Variants in RRBP1 observed in about 807,000 individuals in gnomAD.
The protein encoded by RRBP1 is ribosome binding protein 1.
In RRBP1, 94 loss-of-function variants were observed where a neutral mutation model predicts 165.2. The observed-to-expected ratio is 0.57, with a 90% CI of 0.48 to 0.68. RRBP1 has a LOEUF of 0.68. Ranked by LOEUF, RRBP1 falls within the 30% of genes least tolerant of loss-of-function variation. The probability of loss-of-function intolerance (pLI) is 0.00; values close to 1 mark genes in which losing one functional copy is unlikely to be tolerated. For synonymous variants in RRBP1, 680 were observed against 714.5 expected (o/e 0.95, Z 0.77); for missense variants, 1,676 against 1,763.0 (o/e 0.95, Z 0.88).
intron 3 of RRBP1, among the ~76,000 whole-genome samples, chr20:17,646,073 C>A (rs901035886): frequency 3.3e-5 from 5 of 152,088 alleles, no homozygotes; most frequent in Non-Finnish European, 7.4e-5. Flanking sequence ...GGGGCCAGGC[C>A]CTGCAGGAAT....
At position 17,635,602 on chromosome 20, in the gene RRBP1, C is replaced by T; in HGVS notation, c.2400G>A (p.Gln800=). 6.2e-7 allele frequency: 1 copy of T among 1,613,534 alleles called. No individual in the cohort carries two copies. The highest frequency in any genetic ancestry group is 8.5e-7 in the Non-Finnish European group (1 of 1,179,886). ...GPNTQLARLQ[Q]ENSILRDALN... ...AGGCATCCCGCAGGATGGAGTTCTC[C>T]TGCTGCAGGCGGGCCAGCTGCGTGT... The change falls in exon 7 of 25, where the codon CAG becomes CAA. Residue 800 remains glutamine (Q), a synonymous_variant. Transcript: ENST00000377813.
intron 1 of RRBP1, 97 bp downstream of exon 1, chr20:17,681,931 G>A (rs1053749323): frequency 1.4e-5 from 2 of 147,234 alleles, no homozygotes; most frequent in Non-Finnish European, 3.0e-5. Context: ...AGGGGCCGCC[G>A]AGGAGACGTG....
chr20:17,654,997 ATCTC>A (rs1568778643), intron 3 of RRBP1, among the ~76,000 whole-genome samples: 2 of 152,208 alleles, frequency 1.3e-5, no homozygotes, highest in Admixed American at 1.3e-4. Flanking sequence ...ACCCAATTTT[ATCTC>A]TCTAAAATAA....
chr20:17,676,592 C>T (rs2037087010), intron 2 of RRBP1, among the ~76,000 whole-genome samples: 1 of 152,120 alleles, frequency 6.6e-6, no homozygotes, highest in Non-Finnish European at 1.5e-5. Flanking sequence ...CTGCCAATAC[C>T]CAAGCACATA....
intron 18 of RRBP1, 34 bp downstream of exon 18, chr20:17,620,265 A>G: frequency 3.9e-6 from 6 of 1,532,552 alleles, no homozygotes; most frequent in Non-Finnish European, 5.4e-6. Context: ...GGCTCCCGGG[A>G]CAAGAGAAAG....
chr20:17,622,341 A>G (rs1384694525), intron 13 of RRBP1, among the ~76,000 whole-genome samples: 10 of 152,126 alleles, frequency 6.6e-5, no homozygotes, highest in Admixed American at 6.5e-4. Flanking sequence ...CCAGGGCAGG[A>G]AGAAGGGATG....
At position 17,659,874 on chromosome 20, in the gene RRBP1, C is replaced by G; in HGVS notation, c.634G>C (p.Ala212Pro). The G allele has an allele frequency of 6.4e-7, 1 of 1,552,408 alleles. No homozygotes were observed. Among genetic ancestry groups the G allele is most frequent in the Non-Finnish European group, 8.7e-7 (1 of 1,147,274 alleles). ...AEGTQNQSKK[A>P]EGAPNQGRKA... ...CTGCCCTGGTTTGGGGCTCCTTCAG[C>G]CTTTTTGCTTTGATTCTGAGTCCCC... The change falls in exon 3 of 25, where the codon GCT (alanine) becomes CCT (proline). Residue 212 changes from alanine to proline, a missense_variant. Ala to Pro is a conservative substitution (Grantham distance 27). Transcript: ENST00000377813.
In RRBP1 at chr20:17,621,720, C is replaced by G; in HGVS notation, c.3294G>C (p.Lys1098Asn). 2 of 1,613,654 alleles carry G rather than the reference C, an allele frequency of 1.2e-6. No individual in the cohort carries two copies. The highest frequency in any genetic ancestry group is 8.5e-7 in the Non-Finnish European group (1 of 1,179,980). ...AGGGCTCCGCGGGAGCTGGCGGGTG[C>G]TTCAGCAGCGTGGGGCCTTTCTCTT... is the stretch of plus-strand genomic sequence containing the variant. Reference protein sequence around the residue: ...DLKEKGPTLLKHPPAPAEPSS... With the variant: ...DLKEKGPTLLNHPPAPAEPSS... The change falls in exon 15 of 25, where the codon AAG (lysine) becomes AAC (asparagine). Residue 1098 changes from lysine (K) to asparagine (N), a missense_variant. Physicochemically the swap from Lys to Asn is moderately conservative, Grantham distance 94. Around this residue, in one of 5 missense-constraint regions of RRBP1, gnomAD observed 1,184 missense variants for 1,167.1 expected, o/e 1.01. Coordinates refer to ENST00000377813, the MANE Select transcript of RRBP1 (RefSeq NM_001365613.2).
At chr20:17,667,679 G>T (rs1293648535) in intron 2 of RRBP1, among the ~76,000 whole-genome samples, 1 of 152,156 alleles carries the variant, frequency 6.6e-6, no homozygotes, top group African/African-American at 2.4e-5. Flanking sequence ...ACACACATCT[G>T]GACTAGTCAG....
At chr20:17,619,831 G>T in intron 18 of RRBP1, 103 bp from the exon 19 acceptor site, 1 of 748,074 alleles carries the variant, frequency 1.3e-6, no homozygotes, top group South Asian at 2.0e-5. Context: ...GAGGCCTCTC[G>T]GGAGATCCCT....
intron 11 of RRBP1, among the ~76,000 whole-genome samples, chr20:17,626,079 T>C (rs2036013300): frequency 6.6e-6 from 1 of 152,160 alleles, no homozygotes. Flanking sequence ...TTCTAGAATA[T>C]CTGGGGCTGA....
At chr20:17,647,737 A>T (rs923225491) in intron 3 of RRBP1, among the ~76,000 whole-genome samples, 2 of 152,172 alleles carry the variant, frequency 1.3e-5, no homozygotes, top group Non-Finnish European at 2.9e-5. Flanking sequence ...CTCCAGTGGC[A>T]AAAACTCTCA....
At chr20:17,658,112 T>C (rs1027020022) in intron 3 of RRBP1, among the ~76,000 whole-genome samples, 1 of 152,250 alleles carries the variant, frequency 6.6e-6, no homozygotes, top group African/African-American at 2.4e-5. Flanking sequence ...GACACGGACC[T>C]GTTGCTCACT....
intron 19 of RRBP1, chr20:17,619,086 CTTTT>C (rs11300437): frequency 1.6e-3 from 250 of 159,966 alleles, no homozygotes; most frequent in East Asian, 4.5e-3. Flanking sequence ...GTGTGCCTGG[CTTTT>C]TTTTTTTTTT....
rs2035742044 is a variant in RRBP1 at position 17,614,029 on chromosome 20, T to C, written c.*153A>G. ...ACTGGGGCTCTGGAAGGTCTACTTC[T>C]GTGGCTCTAAGAGACTTGTCTCTCA... is the stretch of plus-strand genomic sequence containing the variant. On this transcript the variant is annotated 3_prime_UTR_variant, in exon 25 of 25. Coordinates refer to ENST00000377813, the MANE Select transcript of RRBP1 (RefSeq NM_001365613.2). 2 of 732,292 alleles carry C rather than the reference T, an allele frequency of 2.7e-6. No individual in the cohort carries two copies. Among genetic ancestry groups the C allele is most frequent in the South Asian group, 3.3e-5 (2 of 60,380 alleles). 45.4% of individuals were successfully genotyped at this position (732,292 alleles called of 1,614,324 possible).
At chr20:17,641,584 A>G (rs1156656381) in intron 5 of RRBP1, 1 of 608,262 alleles carries the variant, frequency 1.6e-6, no homozygotes, top group Non-Finnish European at 2.9e-6. Flanking sequence ...GGAAGCCACC[A>G]CGCCGTAGAG....
At chr20:17,664,065 T>A (rs2036821066) in intron 2 of RRBP1, among the ~76,000 whole-genome samples, 1 of 151,990 alleles carries the variant, frequency 6.6e-6, no homozygotes, top group Admixed American at 6.5e-5. Flanking sequence ...GAAATTTAAT[T>A]TAGAAATTAG....
chr20:17,657,183 C>T (rs2036659818), intron 3 of RRBP1, among the ~76,000 whole-genome samples: 2 of 152,226 alleles, frequency 1.3e-5, no homozygotes, highest in African/African-American at 4.8e-5. Flanking sequence ...GGCAGTGCGT[C>T]GCCTGCCAGC....
chr20:17,665,235 T>A (rs1399492147), intron 2 of RRBP1, among the ~76,000 whole-genome samples: 1 of 152,180 alleles, frequency 6.6e-6, no homozygotes, highest in Admixed American at 6.5e-5. Context: ...CATGTATCTA[T>A]CTCTACCAAC....
Sources: gnomAD v4.1 joint callset for allele counts (sites outside exome capture counted in the v4.1 genomes callset) on GRCh38, gnomAD v4.1.1 for gene constraint, gnomAD v4.1.1 regional missense constraint, MANE v1.5 for transcripts, NCBI Gene and HGNC (gene_info 2026-07-23, HGNC 2026-07-21) for gene names.